MAU2: variants seen among roughly 807,000 people sequenced by gnomAD.
The protein encoded by MAU2 is MAU2 chromatid cohesion factor homolog.
Under a neutral mutation model 89.1 loss-of-function variants are expected in MAU2, and 9 were observed. That is an observed-to-expected ratio of 0.10 (90% CI 0.06 to 0.18). The LOEUF (loss-of-function observed/expected upper bound fraction) is 0.18, where lower values mean the gene tolerates loss of function less well. Ranked by LOEUF, MAU2 falls within the 10% of genes least tolerant of loss-of-function variation. The pLI, the probability that MAU2 is intolerant of heterozygous loss-of-function variation, is 1.00. For missense variants in MAU2, 425 were observed against 803.5 expected (o/e 0.53, Z 5.69); for synonymous variants, 357 against 343.4 (o/e 1.04, Z -0.44).
chr19:19,348,807 AT>A, intron 13 of MAU2, 81 bp from the exon 14 acceptor site: 1 of 1,461,404 alleles, frequency 6.8e-7, no homozygotes, highest in South Asian at 1.1e-5. Context: ...GTGTAGAGAA[AT>A]TCCCATGCAC....
intron 18 of MAU2, 120 bp from the exon 19 acceptor site, chr19:19,355,588 C>A: frequency 8.3e-7 from 1 of 1,199,616 alleles, no homozygotes; most frequent in Non-Finnish European, 1.2e-6. Flanking sequence ...GCCCATTGGA[C>A]TGGGGCATGG....
chr19:19,335,472 C>T (rs1424422743), intron 1 of MAU2, among the ~76,000 whole-genome samples: 1 of 152,192 alleles, frequency 6.6e-6, no homozygotes, highest in East Asian at 1.9e-4. Flanking sequence ...GCGAGCCCCT[C>T]CTCTGATGTC....
chr19:19,327,045 C>A (rs1412146894), intron 1 of MAU2, among the ~76,000 whole-genome samples: 2 of 150,458 alleles, frequency 1.3e-5, no homozygotes, highest in African/African-American at 4.9e-5. Flanking sequence ...CTCCGGGCCT[C>A]AAGCAATCAC....
At chr19:19,340,661 A>G (rs1767912080) in intron 5 of MAU2, among the ~76,000 whole-genome samples, 185 bp from the exon 6 acceptor site, 2 of 152,120 alleles carry the variant, frequency 1.3e-5, no homozygotes, top group Non-Finnish European at 2.9e-5. Context: ...AAATAAATAA[A>G]AATAAAAATA....
Position 19,321,129 on chromosome 19 carries a change from G to T in MAU2, c.270G>T (p.Glu90Asp). ...GCGAGCAGGCGCGCAGCCACCTGGA[G>T]AAGGCGGTGAGCGCGGGCCGGGCCG... ...KNSEQARSHL[E>D]KAWLISQQIP... is the part of the protein sequence containing the mutation. The change falls in exon 1 of 19, where the codon GAG becomes GAT. Residue 90 changes from glutamate to aspartate, a missense_variant. Coordinates refer to ENST00000262815, the MANE Select transcript of MAU2 (RefSeq NM_015329.4). The T allele has an allele frequency of 6.3e-7, 1 of 1,590,246 alleles. No homozygotes were observed.
rs758834255 is a variant in MAU2, at chr19:19,345,386, C to T, written c.1221+17C>T. 3.7e-6 allele frequency: 6 copies of T among 1,613,036 alleles called. No homozygotes were observed. The highest frequency in any genetic ancestry group is 5.1e-6 in the Non-Finnish European group (6 of 1,179,750). ...GCCCTGCGGGTAAGGTGCCGGCCCT[C>T]CTTGCTGCTCGGGGCGGGCCACACT... On this transcript the variant is annotated intron_variant, in intron 12 of 18. Transcript: ENST00000262815. This position sits in a 1 kb window ranked among gnomAD's most constrained non-coding sequence, Gnocchi z 4.9.
chr19:19,326,580 G>A (rs1488744088), intron 1 of MAU2, among the ~76,000 whole-genome samples: 1 of 151,100 alleles, frequency 6.6e-6, no homozygotes, highest in African/African-American at 2.4e-5. Flanking sequence ...CAGCTACTCG[G>A]GAGGCTGAGG....
rs770993386 is a variant in MAU2, at chr19:19,354,305, G to A, written c.1549-50G>A. On this transcript the variant is annotated intron_variant, in intron 16 of 18. Transcript: ENST00000262815. ...CCCACCCCAACCTGGGCTGGGTTCGGCAAGTGGGGTCCAGGCTCCTCACTC... is the reference window on the plus strand; with the variant it reads ...CCCACCCCAACCTGGGCTGGGTTCGACAAGTGGGGTCCAGGCTCCTCACTC... 54 of 1,491,284 alleles carry A rather than the reference G, an allele frequency of 3.6e-5. No homozygotes were observed. The Admixed American group carries it at 8.6e-4, about 24-fold the overall frequency. 92.4% of individuals were successfully genotyped at this position (1,491,284 alleles called of 1,614,324 possible).
At chr19:19,346,630 C>T (rs1284015709) in intron 12 of MAU2, among the ~76,000 whole-genome samples, 1 of 152,146 alleles carries the variant, frequency 6.6e-6, no homozygotes, top group East Asian at 1.9e-4. Context: ...GTCTGTGCTT[C>T]CTGGGCTCAC....
chr19:19,348,949 C>G lies in MAU2; in HGVS notation c.1358+11C>G. 6.2e-7 allele frequency: 1 copy of G among 1,612,938 alleles called. No homozygotes were observed. Among genetic ancestry groups the G allele is most frequent in the South Asian group, 1.1e-5 (1 of 91,000 alleles). ...CAGCTTCCCTGTCAGGTGAGCCGCTCCAGGCACCACTCCACGCACGGCCTA... is the reference window on the plus strand; with the variant it reads ...CAGCTTCCCTGTCAGGTGAGCCGCTGCAGGCACCACTCCACGCACGGCCTA... On this transcript the variant is annotated intron_variant, in intron 14 of 18. Transcript: ENST00000262815.
chr19:19,333,547 G>A (rs997032257), intron 1 of MAU2, among the ~76,000 whole-genome samples: 2 of 152,242 alleles, frequency 1.3e-5, no homozygotes, highest in Admixed American at 6.5e-5. Context: ...GCCTGAGCTC[G>A]GTGGCATAGG....
At chr19:19,321,481 AG>A (rs140868651) in intron 1 of MAU2, 11,581 of 219,844 alleles carry the variant, frequency 0.053, 361 homozygotes, top group Non-Finnish European at 0.071. Flanking sequence ...GGGACATCAC[AG>A]GGTCCTGAAG....
In MAU2 at chr19:19,355,940, G is replaced by T; in HGVS notation, c.*158G>T. On this transcript the variant is annotated 3_prime_UTR_variant, in exon 19 of 19. Transcript: ENST00000262815. The stretch of plus-strand genomic sequence containing the variant: ...GGGGCCAGTCCCTGCCCTCCCAGGA[G>T]GGGTGGTAGCCGTTCCCACCTCGCA... The T allele has an allele frequency of 1.3e-6, 1 of 769,600 alleles. No individual in the cohort carries two copies. The highest frequency in any genetic ancestry group is 2.2e-6 in the Non-Finnish European group (1 of 446,470). The allele number at this position is 769,600 out of a possible 1,614,324, so 47.7% of individuals were successfully genotyped here.
intron 1 of MAU2, among the ~76,000 whole-genome samples, chr19:19,326,310 T>C (rs1226483854): frequency 6.6e-6 from 1 of 151,968 alleles, no homozygotes; most frequent in Non-Finnish European, 1.5e-5. Context: ...CCCAAGACTT[T>C]GTGAGGCCAA....
In MAU2 at chr19:19,357,378, C is replaced by T. The variant is rs908902521; in HGVS notation, c.*1596C>T. 2 of 152,372 alleles carry T rather than the reference C, an allele frequency of 1.3e-5. No individual in the cohort carries two copies. The highest frequency in any genetic ancestry group is 6.5e-5 in the Admixed American group (1 of 15,280). The allele number at this position is 152,372 out of a possible 1,614,324, so 9.4% of individuals were successfully genotyped here. ...AGAGCGTGTGGCACTGGCCCACAAA[C>T]TGTCCCTGTCCTGTCTTCCTCCCGA... On this transcript the variant is annotated 3_prime_UTR_variant, in exon 19 of 19. Transcript: ENST00000262815.
At chr19:19,344,141 G>C in intron 10 of MAU2, 1 of 567,186 alleles carries the variant, frequency 1.8e-6, no homozygotes. Context: ...GCCGGGCGCA[G>C]TGGCTCACGC....
chr19:19,346,652 C>T (rs1356372323), intron 12 of MAU2, among the ~76,000 whole-genome samples: 1 of 152,208 alleles, frequency 6.6e-6, no homozygotes, highest in Non-Finnish European at 1.5e-5. Context: ...CCACCTCTTG[C>T]CCAGCCCCAC....
chr19:19,343,019 C>A, intron 9 of MAU2, 153 bp downstream of exon 9: 1 of 765,342 alleles, frequency 1.3e-6, no homozygotes, highest in Non-Finnish European at 2.2e-6. Flanking sequence ...TTGATAAATG[C>A]TGGTGTCCAA....
intron 9 of MAU2, 21 bp downstream of exon 9, chr19:19,342,887 G>C: frequency 6.2e-7 from 1 of 1,612,058 alleles, no homozygotes; most frequent in Non-Finnish European, 8.5e-7. Flanking sequence ...TGCTCGGCTG[G>C]CCACATGGCC....
Sources: gnomAD v4.1 joint callset for allele counts (sites outside exome capture counted in the v4.1 genomes callset) on GRCh38, gnomAD v4.1.1 for gene constraint, Gnocchi (gnomAD v3.1) non-coding constraint, MANE v1.5 for transcripts, NCBI Gene and HGNC (gene_info 2026-07-23, HGNC 2026-07-21) for gene names.